Variants in ERBIN observed in about 807,000 individuals in gnomAD.
ERBIN encodes densin-180-like protein.
ERBIN carries 60 observed loss-of-function variants against 158.4 expected under a neutral mutation model. The ratio of observed to expected loss-of-function variants is 0.38; its 90% CI spans 0.31 to 0.47. ERBIN has a LOEUF of 0.47. Ranked by LOEUF, ERBIN falls within the 20% of genes least tolerant of loss-of-function variation. The pLI is 0.99. For synonymous variants in ERBIN, 594 were observed against 557.2 expected (o/e 1.07, Z -0.93); for missense variants, 1,610 against 1,648.0 (o/e 0.98, Z 0.40).
chr5:65,940,561 G>A (rs1429165455), intron 1 of ERBIN, among the ~76,000 whole-genome samples: 3 of 139,496 alleles, frequency 2.2e-5, no homozygotes, highest in African/African-American at 8.5e-5. Flanking sequence ...CGTCCGGGAG[G>A]TGAGGGGCGC....
At chr5:66,011,442 C>G (rs1257245952) in intron 4 of ERBIN, among the ~76,000 whole-genome samples, 1 of 152,170 alleles carries the variant, frequency 6.6e-6, no homozygotes, top group Non-Finnish European at 1.5e-5. Context: ...AATCTCAGCA[C>G]TTTGGGAGAT....
chr5:66,010,105 G>A (rs538254968), intron 4 of ERBIN, among the ~76,000 whole-genome samples: 7 of 151,880 alleles, frequency 4.6e-5, no homozygotes, highest in Non-Finnish European at 1.0e-4. Flanking sequence ...TTACTTTCGC[G>A]TATTGCATTT....
At chr5:65,936,875 C>G (rs1389555938) in intron 1 of ERBIN, among the ~76,000 whole-genome samples, 1 of 152,136 alleles carries the variant, frequency 6.6e-6, no homozygotes, top group Non-Finnish European at 1.5e-5. Context: ...ATCAAATTCC[C>G]TCTGAAGAGT....
At chr5:65,945,525 A>G (rs1745634826) in intron 1 of ERBIN, among the ~76,000 whole-genome samples, 1 of 152,116 alleles carries the variant, frequency 6.6e-6, no homozygotes, top group East Asian at 1.9e-4. Context: ...TTTTGGGTCC[A>G]TGTTGCCTGC....
intron 13 of ERBIN, among the ~76,000 whole-genome samples, chr5:66,027,279 TTTATTTAAAA>T (rs1330966507): frequency 1.1e-4 from 16 of 151,856 alleles, no homozygotes; most frequent in Admixed American, 1.0e-3. Flanking sequence ...TAACTTCTGT[TTTATTTAAAA>T]GAACCACTGC....
At chr5:66,015,062 G>A (rs1372442827) in intron 7 of ERBIN, among the ~76,000 whole-genome samples, 1 of 152,112 alleles carries the variant, frequency 6.6e-6, no homozygotes, top group Non-Finnish European at 1.5e-5. Context: ...TACACATAGT[G>A]CTCATTAGAA....
intron 2 of ERBIN, among the ~76,000 whole-genome samples, chr5:65,989,389 C>T (rs2151038384): frequency 6.6e-6 from 1 of 152,290 alleles, no homozygotes; most frequent in South Asian, 2.1e-4. Context: ...TTTATATTGG[C>T]ACCAGGCCCA....
At chr5:66,036,671 A>G (rs1293728414) in intron 14 of ERBIN, among the ~76,000 whole-genome samples, 4 of 152,176 alleles carry the variant, frequency 2.6e-5, no homozygotes, top group Non-Finnish European at 5.9e-5. Flanking sequence ...GTCAGTAAAG[A>G]TACATGCTTT....
intron 19 of ERBIN, among the ~76,000 whole-genome samples, chr5:66,049,002 G>A (rs1561423750): frequency 1.3e-5 from 2 of 151,926 alleles, no homozygotes; most frequent in African/African-American, 4.8e-5. Flanking sequence ...ATAAAGGCAT[G>A]GACTTTACCG....
At position 66,006,675 on chromosome 5, in the gene ERBIN, A is replaced by G. The variant is rs1344144279; in HGVS notation, c.308-5374A>G. 3.3e-5 allele frequency among the ~76,000 whole-genome samples: 5 copies of G among 152,266 alleles called. No homozygotes were observed. In the Middle Eastern group the frequency reaches 0.01, roughly 311 times the overall value. The stretch of plus-strand genomic sequence containing the variant: ...AAAGGGCTAATATCCAGAATCTACA[A>G]TGAACTCAAACAAATTTACAAGAAA... On this transcript the variant is annotated intron_variant, in intron 4 of 25. Coordinates refer to ENST00000284037, the MANE Select transcript of ERBIN (RefSeq NM_001253697.2).
At position 66,046,412 on chromosome 5, in the gene ERBIN, A is replaced by C; in HGVS notation, c.1662A>C (p.Ile554=). ...SKVDEREKYM[I]GNSVQKISEP... The stretch of plus-strand genomic sequence containing the variant: ...TTGATGAAAGAGAAAAATATATGAT[A>C]GGAAACTCTGTACAGAAGATCAGTG... Residue 554 remains isoleucine, a synonymous_variant, in exon 18 of 26, where the codon ATA becomes ATC. Coordinates refer to ENST00000284037, the MANE Select transcript of ERBIN (RefSeq NM_001253697.2). 6.2e-7 allele frequency: 1 copy of C among 1,607,496 alleles called. No individual in the cohort carries two copies. Among genetic ancestry groups the C allele is most frequent in the Non-Finnish European group, 8.5e-7 (1 of 1,175,756 alleles).
chr5:66,000,472 C>T (rs1752910311), intron 4 of ERBIN, among the ~76,000 whole-genome samples: 1 of 152,202 alleles, frequency 6.6e-6, no homozygotes, highest in Middle Eastern at 3.4e-3. Flanking sequence ...GTTGCTTCTA[C>T]TATATTGAAA....
In ERBIN at chr5:65,956,093, G is replaced by A. The variant is rs377205454; in HGVS notation, c.-58+29287G>A. ...GAAATGTATTCACCCCTAATAAGGG[G>A]AGACCACTGTATAGCAAGAAGAGTT... On this transcript the variant is annotated intron_variant, in intron 1 of 25. Transcript: ENST00000284037. Among the ~76,000 whole-genome samples the A allele has an allele frequency of 6.6e-5, 10 of 152,268 alleles. No homozygotes were observed. The East Asian group carries it at 1.4e-3, about 21-fold the overall frequency.
intron 1 of ERBIN, among the ~76,000 whole-genome samples, chr5:65,981,680 G>A (rs920903510): frequency 1.2e-4 from 18 of 151,960 alleles, no homozygotes; most frequent in African/African-American, 4.4e-4. Context: ...TTAGGTATCT[G>A]TTTCTGTGTT....
intron 1 of ERBIN, among the ~76,000 whole-genome samples, chr5:65,942,037 G>T (rs1437035909): frequency 6.6e-6 from 1 of 151,518 alleles, no homozygotes; most frequent in African/African-American, 2.5e-5. Context: ...ACTGCGTCTG[G>T]CCCTCTTTCT....
intron 14 of ERBIN, among the ~76,000 whole-genome samples, chr5:66,032,508 AATT>A (rs1235175767): frequency 1.3e-5 from 2 of 152,228 alleles, no homozygotes; most frequent in African/African-American, 4.8e-5. Flanking sequence ...AGTCATGATC[AATT>A]ATTCATATCT....
At chr5:65,947,362 T>TG (rs1745898974) in intron 1 of ERBIN, among the ~76,000 whole-genome samples, 1 of 152,150 alleles carries the variant, frequency 6.6e-6, no homozygotes, top group Admixed American at 6.6e-5. Flanking sequence ...CCTGAGTAGC[T>TG]GGGACTACAG....
intron 25 of ERBIN, among the ~76,000 whole-genome samples, chr5:66,077,615 A>G (rs946156984): frequency 1.3e-5 from 2 of 152,176 alleles, no homozygotes; most frequent in Non-Finnish European, 2.9e-5. Flanking sequence ...TTTTTTTTGA[A>G]TAATTTTAAG....
chr5:65,978,872 G>A (rs1295184777), intron 1 of ERBIN, among the ~76,000 whole-genome samples: 1 of 152,212 alleles, frequency 6.6e-6, no homozygotes, highest in Non-Finnish European at 1.5e-5. Context: ...TTGGGACCCT[G>A]TTGGACTTGA....
Sources: allele counts gnomAD v4.1 joint callset (sites outside exome capture counted in the v4.1 genomes callset), GRCh38; gene constraint gnomAD v4.1.1; transcripts MANE v1.5; gene names NCBI Gene and HGNC (gene_info 2026-07-23, HGNC 2026-07-21).